Variants in TNPO3 observed in about 807,000 individuals in gnomAD.
TNPO3 encodes transportin-3.
In TNPO3, 65 loss-of-function variants were observed where a neutral mutation model predicts 122.8. That is an observed-to-expected ratio of 0.53 (90% CI 0.43 to 0.65). The LOEUF (loss-of-function observed/expected upper bound fraction) is 0.65, where lower values mean the gene tolerates loss of function less well. Among genes scored for constraint, TNPO3 ranks in the 30% least tolerant of loss-of-function variants. The probability of loss-of-function intolerance (pLI) is 0.00; values close to 1 mark genes in which losing one functional copy is unlikely to be tolerated. For synonymous variants in TNPO3, 372 were observed against 411.2 expected, an observed-to-expected ratio of 0.90 and a Z score of 1.15; for missense variants, 850 against 1,136.7, an observed-to-expected ratio of 0.75 and a Z score of 3.63.
intron 2 of TNPO3, 121 bp from the exon 3 acceptor site, chr7:129,017,177 TC>T (rs1324176298): frequency 1.1e-6 from 1 of 879,398 alleles, no homozygotes; most frequent in Non-Finnish European, 1.8e-6. Flanking sequence ...CTAACCCCCT[TC>T]CCCCATTTCT....
chr7:128,976,640 C>T (rs758983019), intron 16 of TNPO3, among the ~76,000 whole-genome samples: 3 of 151,958 alleles, frequency 2.0e-5, no homozygotes, highest in Non-Finnish European at 4.4e-5. Context: ...TGCCCGGCCA[C>T]GATATGCGCT....
intron 4 of TNPO3, among the ~76,000 whole-genome samples, chr7:129,009,585 A>G (rs777636705): frequency 1.2e-4 from 18 of 152,220 alleles, no homozygotes; most frequent in Admixed American, 3.3e-4. Flanking sequence ...ATGATGTGCT[A>G]AGTCAGGCAC....
chr7:128,964,043 C>T (rs1004899946), intron 21 of TNPO3, among the ~76,000 whole-genome samples: 5 of 151,850 alleles, frequency 3.3e-5, no homozygotes, highest in Non-Finnish European at 7.4e-5. Flanking sequence ...CAAGTTGGTT[C>T]GTTTACAATA....
At chr7:129,049,085 T>C (rs946217044) in intron 1 of TNPO3, among the ~76,000 whole-genome samples, 39 of 152,232 alleles carry the variant, frequency 2.6e-4, no homozygotes, top group African/African-American at 9.4e-4. Flanking sequence ...GAAAGCAGAA[T>C]TTAGGTTGGG....
At chr7:129,000,364 G>C in intron 7 of TNPO3, 65 bp downstream of exon 7, 1 of 1,425,558 alleles carries the variant, frequency 7.0e-7, no homozygotes, top group Non-Finnish European at 9.3e-7. Context: ...ACGAGGTAAT[G>C]AAATATAGAT....
Position 129,050,180 on chromosome 7 carries a change from G to A in TNPO3, c.120+4471C>T, listed in dbSNP as rs564356615. Among the ~76,000 whole-genome samples, 9 of 152,048 alleles carry A rather than the reference G, an allele frequency of 5.9e-5. No individual in the cohort carries two copies. The South Asian group carries it at 1.5e-3, about 25-fold the overall frequency. ...GGGCAGATCACAAGGTCAGGAGACC[G>A]AGACCATCCTGGCTAACATGGTGAA... On this transcript the variant is annotated intron_variant, in intron 1 of 22. Coordinates refer to ENST00000265388, the MANE Select transcript of TNPO3 (RefSeq NM_012470.4).
intron 1 of TNPO3, among the ~76,000 whole-genome samples, chr7:129,041,313 G>A (rs1477188151): frequency 2.0e-5 from 3 of 152,178 alleles, no homozygotes; most frequent in African/African-American, 4.8e-5. Flanking sequence ...AGCGAGCTAC[G>A]ATCACACCAC....
intron 21 of TNPO3, among the ~76,000 whole-genome samples, chr7:128,963,812 C>G (rs1777336168): frequency 6.6e-6 from 1 of 152,210 alleles, no homozygotes; most frequent in Non-Finnish European, 1.5e-5. Flanking sequence ...TCTTGTACCA[C>G]TGCTTAAAGT....
intron 1 of TNPO3, among the ~76,000 whole-genome samples, chr7:129,033,791 T>C (rs1389736348): frequency 6.6e-6 from 1 of 151,160 alleles, no homozygotes; most frequent in African/African-American, 2.4e-5. Context: ...CGCATGACTG[T>C]AATCCCAGCT....
chr7:129,044,855 G>A lies in TNPO3; in HGVS notation c.120+9796C>T, dbSNP rs142759577. Among the ~76,000 whole-genome samples, 1,095 of 152,196 alleles carry A rather than the reference G, an allele frequency of 7.2e-3. 20 individuals are homozygous for A. The highest frequency in any genetic ancestry group is 0.025 in the African/African-American group (1,031 of 41,506). On this transcript the variant is annotated intron_variant, in intron 1 of 22. Coordinates refer to ENST00000265388, the MANE Select transcript of TNPO3 (RefSeq NM_012470.4). ...TATGATACAGCAATTCTAATTCTAG[G>A]TATACTGTATATCTAAAGAATTGAA...
intron 1 of TNPO3, 22 bp from the exon 2 acceptor site, chr7:129,018,179 A>T: frequency 6.2e-7 from 1 of 1,611,496 alleles, no homozygotes; most frequent in Non-Finnish European, 8.5e-7. Context: ...TTAGACAAAG[A>T]TGTCTTAAAG....
chr7:129,003,039 CAAAAAAAAAAA>C (rs56226072), intron 5 of TNPO3, among the ~76,000 whole-genome samples: 16 of 53,284 alleles, frequency 3.0e-4, no homozygotes, highest in East Asian at 1.9e-3. Context: ...GACTCCCTCT[CAAAAAAAAAAA>C]AAAAAAAAAA....
intron 1 of TNPO3, among the ~76,000 whole-genome samples, chr7:129,031,476 A>AC (rs1418861761): frequency 1.1e-4 from 16 of 152,202 alleles, no homozygotes; most frequent in African/African-American, 3.1e-4. Context: ...TAGAAAAATA[A>AC]CCTAACAAGA....
At chr7:128,976,606 T>C (rs952412128) in intron 16 of TNPO3, among the ~76,000 whole-genome samples, 6 of 152,166 alleles carry the variant, frequency 3.9e-5, no homozygotes, top group South Asian at 4.1e-4. Context: ...CCCGAGCAGC[T>C]GGGACTATAG....
At chr7:128,970,511 G>C (rs1471634518) in intron 19 of TNPO3, among the ~76,000 whole-genome samples, 196 bp from the exon 20 acceptor site, 1 of 152,066 alleles carries the variant, frequency 6.6e-6, no homozygotes, top group Non-Finnish European at 1.5e-5. Flanking sequence ...TTTGTCTTTA[G>C]AAAGAAAATG....
intron 4 of TNPO3, among the ~76,000 whole-genome samples, chr7:129,009,130 A>G (rs1344709844): frequency 6.6e-6 from 1 of 152,226 alleles, no homozygotes. Context: ...CAGTAAAAAG[A>G]TAGCAGGGAT....
At chr7:128,984,327 C>A in intron 12 of TNPO3, 68 bp from the exon 13 acceptor site, 1 of 1,073,914 alleles carries the variant, frequency 9.3e-7, no homozygotes, top group Non-Finnish European at 1.4e-6. Context: ...TGGACTACAT[C>A]ATGTGAGTGA....
chr7:128,992,146 C>A, intron 9 of TNPO3, 56 bp from the exon 10 acceptor site: 3 of 975,834 alleles, frequency 3.1e-6, no homozygotes, highest in Admixed American at 2.5e-5. Flanking sequence ...AATGCCAAAA[C>A]AAACAAAACA....
chr7:129,046,650 TG>T (rs1326887059), intron 1 of TNPO3, among the ~76,000 whole-genome samples: 2 of 152,204 alleles, frequency 1.3e-5, no homozygotes, highest in African/African-American at 4.8e-5. Context: ...TGTATTAATG[TG>T]TTCTCACACT....
Sources: allele counts gnomAD v4.1 joint callset (sites outside exome capture counted in the v4.1 genomes callset), GRCh38; gene constraint gnomAD v4.1.1; transcripts MANE v1.5; gene names NCBI Gene and HGNC (gene_info 2026-07-23, HGNC 2026-07-21).